Variants in THADA observed in about 807,000 individuals in gnomAD.
The protein encoded by THADA is THADA armadillo repeat containing, also known as tRNA (32-2'-O)-methyltransferase regulator THADA.
THADA carries 213 observed loss-of-function variants against 219.8 expected under a neutral mutation model. The observed-to-expected ratio is 0.97, with a 90% CI of 0.87 to 1.09. The LOEUF (loss-of-function observed/expected upper bound fraction) is 1.09, where lower values mean the gene tolerates loss of function less well. Among genes scored for constraint, THADA ranks in the 50% least tolerant of loss-of-function variants. The probability of loss-of-function intolerance (pLI) is 0.00; values close to 1 mark genes in which losing one functional copy is unlikely to be tolerated. For missense variants in THADA, 2,956 were observed against 2,311.3 expected, an observed-to-expected ratio of 1.28 and a Z score of -5.72; for synonymous variants, 1,018 against 828.9, an observed-to-expected ratio of 1.23 and a Z score of -3.92.
chr2:43,351,748 G>A (rs545081399), intron 29 of THADA, among the ~76,000 whole-genome samples: 16 of 152,320 alleles, frequency 1.1e-4, no homozygotes, highest in African/African-American at 3.6e-4. Context: ...AGCAGCTGGG[G>A]TGCTAAAAGT....
chr2:43,280,043 T>C, intron 35 of THADA, 147 bp from the exon 36 acceptor site: 1 of 870,534 alleles, frequency 1.1e-6, no homozygotes, highest in Non-Finnish European at 1.6e-6. Context: ...ATAGAAAGAG[T>C]GTTAGACAAA....
chr2:43,400,457 T>TTTTATATATATATATATATA (rs1553427508), intron 28 of THADA, among the ~76,000 whole-genome samples: 5 of 89,902 alleles, frequency 5.6e-5, no homozygotes, highest in African/African-American at 1.9e-4. Context: ...ATAGACAAAT[T>TTTTATATATATATATATATA]TATATATATA....
intron 36 of THADA, among the ~76,000 whole-genome samples, chr2:43,264,687 C>G (rs1671323077): frequency 1.3e-5 from 2 of 152,186 alleles, no homozygotes; most frequent in South Asian, 4.2e-4. Flanking sequence ...TTTCAGATTC[C>G]TAGATCTACT....
chr2:43,427,647 T>A (rs1678636429), intron 28 of THADA, among the ~76,000 whole-genome samples: 1 of 148,690 alleles, frequency 6.7e-6, no homozygotes, highest in Non-Finnish European at 1.5e-5. Flanking sequence ...ATACAATAGG[T>A]TTACATATAT....
intron 31 of THADA, among the ~76,000 whole-genome samples, chr2:43,308,854 T>A (rs937309994): frequency 1.4e-5 from 2 of 148,042 alleles, no homozygotes; most frequent in African/African-American, 5.0e-5. Flanking sequence ...AAATGTTAAA[T>A]GCAAAACTAC....
At position 43,518,317 on chromosome 2, in the gene THADA, T is replaced by G. The variant is rs145043023; in HGVS notation, c.3375-9537A>C. ...AAAAGAAAGTACAAACAAAAATGTT[T>G]TCCAATGAGAAGTGCCACTGTTAAG... On this transcript the variant is annotated intron_variant, in intron 22 of 37. Transcript: ENST00000405975. Among the ~76,000 whole-genome samples the G allele has an allele frequency of 9.1e-4, 139 of 152,288 alleles. 1 individual carries two copies. Among genetic ancestry groups the G allele is most frequent in the African/African-American group, 3.3e-3 (137 of 41,560 alleles).
At chr2:43,384,524 C>A (rs1365713319) in intron 29 of THADA, among the ~76,000 whole-genome samples, 1 of 152,234 alleles carries the variant, frequency 6.6e-6, no homozygotes, top group African/African-American at 2.4e-5. Flanking sequence ...AATGTACATA[C>A]TGAACACACA....
chr2:43,501,307 C>CAAAAAAAAAA lies in THADA; in HGVS notation c.3622-2362_3622-2353dup, dbSNP rs60448094. Among the ~76,000 whole-genome samples, 27 of 15,040 alleles carry CAAAAAAAAAA rather than the reference C, an allele frequency of 1.8e-3. 2 individuals carry two copies. The highest frequency in any genetic ancestry group is 2.4e-3 in the Non-Finnish European group (18 of 7,526). The allele number at this position is 15,040 out of a possible 152,430, so 9.9% of individuals were successfully genotyped here. A position where few individuals can be genotyped will look rare whatever the true frequency, so the allele number is the denominator to read the frequency against. On this transcript the variant is annotated intron_variant, in intron 24 of 37. Transcript: ENST00000405975. ...GGCAACAAAAGCGAAACTCCAACTC[C>CAAAAAAAAAA]AAAAAAAAAAAAAAAAAAAAAAAAA...
Position 43,286,899 on chromosome 2 carries a change from C to A in THADA, c.5164+9G>T, listed in dbSNP as rs761794387. The A allele has an allele frequency of 1.9e-6, 3 of 1,606,282 alleles. No homozygotes were observed. The highest frequency in any genetic ancestry group is 2.7e-5 in the African/African-American group (2 of 74,756). On this transcript the variant is annotated intron_variant, in intron 35 of 37. Transcript: ENST00000405975. ...TTGGTACAACAGACTTCCGTCTCGG[C>A]GCACTTACCAAGAATAGGATGGGGG...
At chr2:43,421,673 G>C (rs1049558444) in intron 28 of THADA, among the ~76,000 whole-genome samples, 5 of 152,148 alleles carry the variant, frequency 3.3e-5, no homozygotes, top group Non-Finnish European at 7.3e-5. Context: ...ATCTGGAATG[G>C]AGAAAAATAC....
chr2:43,279,858 T>C lies in THADA; in HGVS notation c.5203A>G (p.Thr1735Ala). Reference protein sequence around the residue: ...DTLALWKCVLTLLQSEEQAVR... With the variant: ...DTLALWKCVLALLQSEEQAVR... ...GCTTGCTCCTCACTCTGCAGAAGGGTAAGGACACACTTCCAGAGAGCAAGT... is the reference window on the plus strand; with the variant it reads ...GCTTGCTCCTCACTCTGCAGAAGGGCAAGGACACACTTCCAGAGAGCAAGT... Residue 1735 changes from threonine to alanine, a missense_variant, in exon 36 of 38, where the codon ACC becomes GCC. Coordinates refer to ENST00000405975, the MANE Select transcript of THADA (RefSeq NM_022065.5). 6.4e-7 allele frequency: 1 copy of C among 1,569,682 alleles called. No individual in the cohort carries two copies. The highest frequency in any genetic ancestry group is 8.6e-7 in the Non-Finnish European group (1 of 1,158,692).
At chr2:43,280,451 G>T (rs1572892762) in intron 35 of THADA, among the ~76,000 whole-genome samples, 2 of 152,088 alleles carry the variant, frequency 1.3e-5, no homozygotes, top group East Asian at 3.9e-4. Flanking sequence ...GACCCATATG[G>T]TGAAACCCCG....
intron 36 of THADA, among the ~76,000 whole-genome samples, chr2:43,269,969 T>C (rs1001160949): frequency 5.9e-5 from 9 of 152,182 alleles, no homozygotes; most frequent in Non-Finnish European, 1.3e-4. Context: ...ACCCCAGTGT[T>C]GCTGGAGTTC....
intron 26 of THADA, among the ~76,000 whole-genome samples, chr2:43,473,464 C>T (rs1432387042): frequency 6.6e-6 from 1 of 152,074 alleles, no homozygotes; most frequent in East Asian, 1.9e-4. Context: ...CCGAAGGACC[C>T]GCCCGAGCCA....
chr2:43,591,875 C>T (rs993182779), intron 3 of THADA, 77 bp downstream of exon 3: 4 of 990,668 alleles, frequency 4.0e-6, no homozygotes, highest in South Asian at 5.8e-5. Flanking sequence ...GGACCAAAAA[C>T]TGTCAGTGAT....
At chr2:43,422,376 T>C (rs968104353) in intron 28 of THADA, among the ~76,000 whole-genome samples, 1 of 152,198 alleles carries the variant, frequency 6.6e-6, no homozygotes, top group East Asian at 1.9e-4. Flanking sequence ...CCTCCTCATC[T>C]TGGTCACCTC....
intron 31 of THADA, among the ~76,000 whole-genome samples, chr2:43,305,208 A>G (rs1446328520): frequency 6.6e-6 from 1 of 151,566 alleles, no homozygotes; most frequent in Non-Finnish European, 1.5e-5. Context: ...CATAGGAACA[A>G]CAACAACAAT....
At chr2:43,521,960 GCTAA>G (rs1309969379) in intron 22 of THADA, among the ~76,000 whole-genome samples, 6 of 152,092 alleles carry the variant, frequency 3.9e-5, no homozygotes, top group African/African-American at 9.7e-5. Flanking sequence ...TATTACTATT[GCTAA>G]CTGAGAAATG....
intron 34 of THADA, among the ~76,000 whole-genome samples, chr2:43,287,585 C>T (rs1674189502): frequency 6.6e-6 from 1 of 152,234 alleles, no homozygotes; most frequent in Non-Finnish European, 1.5e-5. Flanking sequence ...ACATGAGCCA[C>T]TGCTCCCGGC....
Sources: allele counts gnomAD v4.1 joint callset (sites outside exome capture counted in the v4.1 genomes callset), GRCh38; gene constraint gnomAD v4.1.1; transcripts MANE v1.5; gene names NCBI Gene and HGNC (gene_info 2026-07-23, HGNC 2026-07-21).